DAB1: variants seen among roughly 807,000 people sequenced by gnomAD.
The protein encoded by DAB1 is disabled homolog 1.
A neutral mutation model predicts 64.6 loss-of-function variants in DAB1; 15 were observed. That is an observed-to-expected ratio of 0.23 (90% CI 0.16 to 0.36). The LOEUF (loss-of-function observed/expected upper bound fraction) is 0.36. Ranked by LOEUF, DAB1 falls within the 10% of genes least tolerant of loss-of-function variation. The pLI is 1.00. For synonymous variants in DAB1, 235 were observed against 251.9 expected (o/e 0.93, Z 0.64); for missense variants, 596 against 706.7 (o/e 0.84, Z 1.78).
rs1570179077 is a variant in DAB1, at chr1:57,989,593, T to C, written n.388-105431A>G. Among the ~76,000 whole-genome samples, 7 of 152,286 alleles carry C rather than the reference T, an allele frequency of 4.6e-5. No homozygotes were observed. The South Asian group carries it at 1.2e-3, about 27-fold the overall frequency. On this transcript the variant is annotated intron_variant and non_coding_transcript_variant, in intron 5 of 20. Coordinates refer to the DAB1 transcript ENST00000485760. Reference sequence around the variant, plus strand: ...TTTTGATGGAAACACTAGTGACGTATATGAATTTTGAAGCAGATATCCATT... The same window carrying C: ...TTTTGATGGAAACACTAGTGACGTACATGAATTTTGAAGCAGATATCCATT...
At chr1:57,057,927 C>A (rs1650000907) in intron 9 of DAB1, among the ~76,000 whole-genome samples, 1 of 152,128 alleles carries the variant, frequency 6.6e-6, no homozygotes, top group Non-Finnish European at 1.5e-5. Flanking sequence ...TTAATTCTAT[C>A]AGATTGTGTC....
chr1:57,717,400 C>G (rs1647097347), intron 6 of DAB1, among the ~76,000 whole-genome samples: 1 of 151,528 alleles, frequency 6.6e-6, no homozygotes, highest in South Asian at 2.1e-4. Flanking sequence ...ATGGTTATTA[C>G]CAAAAAGATG....
chr1:58,129,620 C>T (rs1490040354), intron 5 of DAB1, among the ~76,000 whole-genome samples: 1 of 142,760 alleles, frequency 7.0e-6, no homozygotes, highest in Non-Finnish European at 1.5e-5. Context: ...CCTCTACACA[C>T]TGCTTTGAAT....
intron 3 of DAB1, among the ~76,000 whole-genome samples, chr1:58,414,284 C>A (rs1045169268): frequency 3.9e-5 from 6 of 152,206 alleles, no homozygotes; most frequent in African/African-American, 1.4e-4. Flanking sequence ...TCACCTAACT[C>A]ATCCTGCAGA....
intron 3 of DAB1, among the ~76,000 whole-genome samples, chr1:58,412,046 T>A (rs1277674740): frequency 6.6e-6 from 1 of 152,192 alleles, no homozygotes; most frequent in East Asian, 1.9e-4. Context: ...ACCCATTCTC[T>A]GACCATAGTA....
chr1:57,525,072 T>C (rs1644575345), intron 7 of DAB1, among the ~76,000 whole-genome samples: 1 of 152,220 alleles, frequency 6.6e-6, no homozygotes, highest in African/African-American at 2.4e-5. Context: ...AATAAAGACA[T>C]TTTCAAACAT....
At chr1:58,149,669 C>T (rs534591720) in intron 5 of DAB1, among the ~76,000 whole-genome samples, 7 of 152,190 alleles carry the variant, frequency 4.6e-5, no homozygotes, top group Non-Finnish European at 1.0e-4. Context: ...TTGAAACCAA[C>T]AGCTGCACAT....
chr1:58,174,709 A>G (rs1289869255), intron 4 of DAB1, among the ~76,000 whole-genome samples: 1 of 152,128 alleles, frequency 6.6e-6, no homozygotes, highest in South Asian at 2.1e-4. Context: ...GTCTAGCTAG[A>G]GGATTGTAAT....
chr1:57,859,150 C>A (rs745662078), intron 1 of DAB1, among the ~76,000 whole-genome samples: 1 of 152,094 alleles, frequency 6.6e-6, no homozygotes, highest in Non-Finnish European at 1.5e-5. Context: ...GCTGGGGCTA[C>A]AAAACCTAAA....
Position 57,290,945 on chromosome 1 carries a change from A to C in DAB1, c.67+19T>G. 6.3e-7 allele frequency: 1 copy of C among 1,593,510 alleles called. No homozygotes were observed. Among genetic ancestry groups the C allele is most frequent in the Non-Finnish European group, 8.6e-7 (1 of 1,163,892 alleles). Reference sequence around the variant, plus strand: ...GTGCAGAAAAGTAGCCATTAAAAAAAGGTCAAATTCAGCCCTACCTTTCTT... The same window carrying C: ...GTGCAGAAAAGTAGCCATTAAAAAACGGTCAAATTCAGCCCTACCTTTCTT... On this transcript the variant is annotated intron_variant, in intron 2 of 14. Coordinates refer to ENST00000371236, the MANE Select transcript of DAB1 (RefSeq NM_001365792.1).
chr1:57,226,670 A>ATAT (rs1553158272), intron 2 of DAB1, among the ~76,000 whole-genome samples: 8 of 119,504 alleles, frequency 6.7e-5, no homozygotes, highest in South Asian at 2.9e-4. Flanking sequence ...GGTTAAAAAA[A>ATAT]AAATATATAT....
At chr1:57,372,233 A>G (rs1680557047) in intron 1 of DAB1, among the ~76,000 whole-genome samples, 1 of 152,206 alleles carries the variant, frequency 6.6e-6, no homozygotes, top group South Asian at 2.1e-4. Context: ...TATAGACACC[A>G]TAAACTGGTG....
intron 5 of DAB1, among the ~76,000 whole-genome samples, chr1:58,057,603 C>G (rs1043986157): frequency 1.3e-5 from 2 of 152,170 alleles, no homozygotes; most frequent in Non-Finnish European, 2.9e-5. Flanking sequence ...CTGAGGACTG[C>G]TAGCAACTGC....
chr1:57,399,935 T>C (rs1348770902), intron 1 of DAB1, among the ~76,000 whole-genome samples: 2 of 152,208 alleles, frequency 1.3e-5, no homozygotes, highest in African/African-American at 4.8e-5. Context: ...TCTATATGGG[T>C]ACAGCTGGAT....
At chr1:57,079,606 C>T (rs1239265596) in intron 4 of DAB1, among the ~76,000 whole-genome samples, 3 of 152,178 alleles carry the variant, frequency 2.0e-5, no homozygotes, top group Non-Finnish European at 2.9e-5. Flanking sequence ...GACCAAAATA[C>T]TTGCCAGGGC....
At chr1:57,876,782 T>A (rs1400118881) in intron 1 of DAB1, 2 of 152,118 alleles carry the variant, frequency 1.3e-5, no homozygotes, top group African/African-American at 4.8e-5. Flanking sequence ...GAAGCCAAAC[T>A]GAACTCACCA....
intron 9 of DAB1, among the ~76,000 whole-genome samples, chr1:57,045,441 T>C (rs974873187): frequency 4.6e-5 from 7 of 152,188 alleles, no homozygotes; most frequent in African/African-American, 1.4e-4. Flanking sequence ...CTCATGCCTG[T>C]AATCCTAGCA....
chr1:57,039,013 G>A (rs1219792981), intron 9 of DAB1, among the ~76,000 whole-genome samples: 3 of 152,182 alleles, frequency 2.0e-5, no homozygotes, highest in Non-Finnish European at 4.4e-5. Flanking sequence ...TTCATCTAAT[G>A]TCAAGAAAAC....
Position 57,892,376 on chromosome 1 carries a change from A to C in DAB1, n.388-8214T>G, listed in dbSNP as rs11207127. On this transcript the variant is annotated intron_variant and non_coding_transcript_variant, in intron 5 of 20. Transcript: ENST00000485760. Reference sequence around the variant, plus strand: ...TGCTTACAATCAGATGATAATGATAATAGCAATTAATGCTTTTTGAATACT... The same window carrying C: ...TGCTTACAATCAGATGATAATGATACTAGCAATTAATGCTTTTTGAATACT... Among the ~76,000 whole-genome samples the C allele has an allele frequency of 9.7e-3, 1,480 of 152,344 alleles. 33 individuals are homozygous for C. The highest frequency in any genetic ancestry group is 0.034 in the African/African-American group (1,425 of 41,570).
Sources: allele counts gnomAD v4.1 joint callset (sites outside exome capture counted in the v4.1 genomes callset), GRCh38; gene constraint gnomAD v4.1.1; transcripts MANE v1.5; gene names NCBI Gene and HGNC (gene_info 2026-07-23, HGNC 2026-07-21).